CCDC39: variants seen among roughly 807,000 people sequenced by gnomAD.
CCDC39 encodes the protein coiled-coil domain 39 molecular ruler complex subunit, also known as coiled-coil domain-containing protein 39.
Under a neutral mutation model 121.0 loss-of-function variants are expected in CCDC39, and 113 were observed. That is an observed-to-expected ratio of 0.93 (90% confidence interval 0.80 to 1.09). CCDC39 has a LOEUF of 1.09. CCDC39 is among the 50% of genes least tolerant of loss of function. The probability of loss-of-function intolerance (pLI) is 0.00; values close to 1 mark genes in which losing one functional copy is unlikely to be tolerated. For synonymous variants in CCDC39, 349 were observed against 352.2 expected, an observed-to-expected ratio of 0.99 and a Z score of 0.10; for missense variants, 1,063 against 1,074.7, an observed-to-expected ratio of 0.99 and a Z score of 0.15.
chr3:180,669,945 A>G (rs1711987289), intron 1 of CCDC39, among the ~76,000 whole-genome samples: 1 of 152,172 alleles, frequency 6.6e-6, no homozygotes, highest in Admixed American at 6.5e-5. Context: ...TCACAGCCAA[A>G]TATTATGCAA....
chr3:180,634,736 G>A (rs989459859), intron 13 of CCDC39, among the ~76,000 whole-genome samples: 1 of 152,088 alleles, frequency 6.6e-6, no homozygotes, highest in African/African-American at 2.4e-5. Context: ...AGCCAAGCAA[G>A]AGCCTACCTA....
intron 16 of CCDC39, among the ~76,000 whole-genome samples, chr3:180,619,014 A>G (rs1576931500): frequency 1.3e-5 from 2 of 152,184 alleles, no homozygotes; most frequent in Admixed American, 6.5e-5. Context: ...CATAATAACT[A>G]TGACCTACCA....
chr3:180,619,093 T>G (rs1717352047), intron 16 of CCDC39, among the ~76,000 whole-genome samples, 166 bp downstream of exon 16: 1 of 152,134 alleles, frequency 6.6e-6, no homozygotes. Flanking sequence ...CTCTGAGCAC[T>G]TGTTTTTGTC....
chr3:180,652,026 G>C (rs1177632309), intron 8 of CCDC39, 137 bp downstream of exon 8: 4 of 531,374 alleles, frequency 7.5e-6, no homozygotes, highest in Non-Finnish European at 1.3e-5. Context: ...AACAAAGCAA[G>C]ACTCCCTCTC....
At chr3:180,661,544 A>T (rs1056051831) in intron 3 of CCDC39, among the ~76,000 whole-genome samples, 19 of 152,086 alleles carry the variant, frequency 1.2e-4, no homozygotes, top group African/African-American at 4.3e-4. Context: ...AGTATTTTTT[A>T]AAATGTGGCT....
intron 14 of CCDC39, among the ~76,000 whole-genome samples, chr3:180,628,971 A>T (rs1429775309): frequency 1.3e-5 from 2 of 152,372 alleles, no homozygotes; most frequent in South Asian, 4.1e-4. Context: ...TAAATCTACT[A>T]CATCAACAAA....
chr3:180,617,098 C>T, intron 16 of CCDC39, 132 bp from the exon 17 acceptor site: 1 of 578,682 alleles, frequency 1.7e-6, no homozygotes. Context: ...TGTTGATGTA[C>T]CTCTTAATGA....
chr3:180,643,786 T>C (rs1266657266), intron 12 of CCDC39, among the ~76,000 whole-genome samples: 5 of 152,106 alleles, frequency 3.3e-5, no homozygotes, highest in Non-Finnish European at 1.5e-5. Flanking sequence ...TAGCCAAGCA[T>C]TAGAAAGAAA....
intron 1 of CCDC39, among the ~76,000 whole-genome samples, chr3:180,678,071 C>A (rs933299339): frequency 6.6e-6 from 1 of 152,186 alleles, no homozygotes; most frequent in Non-Finnish European, 1.5e-5. Flanking sequence ...TTGGATGGAA[C>A]CTTAACCCAT....
At position 180,674,850 on chromosome 3, in the gene CCDC39, G is replaced by C. The variant is rs1712147869; in HGVS notation, c.90+4441C>G. Among the ~76,000 whole-genome samples the C allele has an allele frequency of 2.6e-5, 4 of 152,174 alleles. No individual in the cohort carries two copies. In the South Asian group the frequency reaches 8.3e-4, roughly 32 times the overall value. On this transcript the variant is annotated intron_variant, in intron 1 of 19. Transcript: ENST00000476379. ...AAGCCCACTTGATCATCGTGGATAA[G>C]CTTTTCGATATGCTGCTGGATTCGG...
chr3:180,633,105 T>C (rs1717739206), intron 13 of CCDC39, among the ~76,000 whole-genome samples: 1 of 152,228 alleles, frequency 6.6e-6, no homozygotes, highest in South Asian at 2.1e-4. Flanking sequence ...CCCTGCTTAA[T>C]AGCTATTACG....
rs113047498 is a variant in CCDC39, at chr3:180,668,439, C to T, written c.91-4453G>A. On this transcript the variant is annotated intron_variant, in intron 1 of 19. Coordinates refer to ENST00000476379, the MANE Select transcript of CCDC39 (RefSeq NM_181426.2). The stretch of plus-strand genomic sequence containing the variant: ...TCCAGACTTGGGGTCTTCAGATATG[C>T]TGGTGTCTCTTCCTAGAACATTTTT... 7.9e-3 allele frequency among the ~76,000 whole-genome samples: 1,209 copies of T among 152,188 alleles called. 16 individuals carry two copies. Among genetic ancestry groups the T allele is most frequent in the African/African-American group, 0.028 (1,149 of 41,536 alleles).
At chr3:180,657,867 T>G (rs1294394686) in intron 6 of CCDC39, among the ~76,000 whole-genome samples, 1 of 152,190 alleles carries the variant, frequency 6.6e-6, no homozygotes, top group Non-Finnish European at 1.5e-5. Flanking sequence ...CAAAAGAAAC[T>G]CTGCTTCCAT....
In CCDC39 at chr3:180,644,159, T is replaced by G; in HGVS notation, c.1626A>C (p.Arg542Ser). Residue 542 changes from arginine (R) to serine (S), a missense_variant, in exon 12 of 20, where the codon AGA (arginine) becomes AGC (serine). Arg to Ser is a moderately radical substitution (Grantham distance 110, BLOSUM62 -1). Transcript: ENST00000476379. ...TGGCTTTATCAAGTTCTTTCTCTGA[T>G]CTGTCGATGAAAAGGTTTAGTTCAT... ...KINELNLFID[R>S]SEKELDKAKG... 1 of 1,545,610 alleles carries G rather than the reference T, an allele frequency of 6.5e-7. No homozygotes were observed. The highest frequency in any genetic ancestry group is 2.5e-5 in the East Asian group (1 of 40,492).
intron 12 of CCDC39, among the ~76,000 whole-genome samples, chr3:180,643,834 T>C (rs557786741): frequency 1.3e-5 from 2 of 152,280 alleles, no homozygotes; most frequent in East Asian, 1.9e-4. Flanking sequence ...AAATAAACTA[T>C]GGTAATTTCA....
intron 7 of CCDC39, among the ~76,000 whole-genome samples, chr3:180,652,534 T>G (rs1347009591): frequency 6.6e-6 from 1 of 152,170 alleles, no homozygotes; most frequent in Non-Finnish European, 1.5e-5. Flanking sequence ...TCACTAGACC[T>G]GCTCAGAAAG....
chr3:180,662,574 TG>T (rs1394955683), intron 2 of CCDC39, among the ~76,000 whole-genome samples: 3 of 152,118 alleles, frequency 2.0e-5, no homozygotes, highest in African/African-American at 7.2e-5. Context: ...AAGCTACCAT[TG>T]TTGGAGGTTT....
intron 1 of CCDC39, among the ~76,000 whole-genome samples, chr3:180,674,938 T>C (rs1001877553): frequency 2.6e-5 from 4 of 152,180 alleles, no homozygotes; most frequent in Non-Finnish European, 4.4e-5. Flanking sequence ...GACTAAAAAT[T>C]CTCTTTTTTT....
intron 9 of CCDC39, 76 bp downstream of exon 9, chr3:180,651,325 C>T: frequency 8.1e-7 from 1 of 1,235,356 alleles, no homozygotes; most frequent in Non-Finnish European, 1.1e-6. Context: ...TCCTCGTCCT[C>T]TGATCCTAGG....
Sources: allele counts gnomAD v4.1 joint callset (sites outside exome capture counted in the v4.1 genomes callset), GRCh38; gene constraint gnomAD v4.1.1; transcripts MANE v1.5; gene names NCBI Gene and HGNC (gene_info 2026-07-23, HGNC 2026-07-21).